FAM107B: variants seen among roughly 807,000 people sequenced by gnomAD.
FAM107B encodes the protein protein FAM107B.
Under a neutral mutation model 31.5 loss-of-function variants are expected in FAM107B, and 21 were observed. The ratio of observed to expected loss-of-function variants is 0.67; its 90% CI spans 0.47 to 0.96. FAM107B has a LOEUF of 0.96. Ranked by LOEUF, FAM107B falls within the 40% of genes least tolerant of loss-of-function variation. FAM107B has a pLI of 0.00. For synonymous variants in FAM107B, 157 were observed against 141.5 expected (o/e 1.11, Z -0.78); for missense variants, 452 against 377.1 (o/e 1.20, Z -1.64).
intron 1 of FAM107B, among the ~76,000 whole-genome samples, chr10:14,706,346 G>GC (rs1855519382): frequency 6.6e-6 from 1 of 151,690 alleles, no homozygotes; most frequent in Non-Finnish European, 1.5e-5. Flanking sequence ...TCTTGCCTCA[G>GC]CCCCCCAAGT....
intron 1 of FAM107B, among the ~76,000 whole-genome samples, chr10:14,720,839 TTTTAA>T (rs1855893906): frequency 6.6e-6 from 1 of 152,148 alleles, no homozygotes; most frequent in Non-Finnish European, 1.5e-5. Flanking sequence ...ACATATTTTT[TTTTAA>T]TTTATTTTTT....
chr10:14,583,223 A>G (rs1469757583), intron 2 of FAM107B, among the ~76,000 whole-genome samples: 1 of 152,194 alleles, frequency 6.6e-6, no homozygotes, highest in Non-Finnish European at 1.5e-5. Context: ...AAGAAACCAG[A>G]AGGAGGAAAA....
At chr10:14,767,097 G>GAGAGAGAGAGAGAGAGAC in intron 1 of FAM107B, among the ~76,000 whole-genome samples, 1 of 113,820 alleles carries the variant, frequency 8.8e-6, no homozygotes, top group South Asian at 2.9e-4. Context: ...GAGAGAGAGA[G>GAGAGAGAGAGAGAGAGAC]AGACAGAGAG....
intron 2 of FAM107B, among the ~76,000 whole-genome samples, chr10:14,646,112 T>A (rs1300308675): frequency 2.0e-5 from 3 of 152,218 alleles, no homozygotes; most frequent in African/African-American, 4.8e-5. Context: ...AATGCATGGC[T>A]TATCTTTCTT....
intron 2 of FAM107B, chr10:14,548,507 G>C: frequency 2.0e-6 from 2 of 985,496 alleles, no homozygotes. Flanking sequence ...AGTTGGCCCA[G>C]GGCTGCTTCA....
intron 2 of FAM107B, among the ~76,000 whole-genome samples, chr10:14,538,431 A>T (rs1847862231): frequency 6.6e-6 from 1 of 152,206 alleles, no homozygotes; most frequent in African/African-American, 2.4e-5. Context: ...AATCTCACAA[A>T]TACAACGTTA....
At chr10:14,598,470 A>C (rs1368209650) in intron 2 of FAM107B, among the ~76,000 whole-genome samples, 1 of 152,130 alleles carries the variant, frequency 6.6e-6, no homozygotes, top group Non-Finnish European at 1.5e-5. Context: ...ATACCATGTG[A>C]CTCCTCTTAG....
chr10:14,728,191 A>C (rs1275453911), intron 1 of FAM107B, among the ~76,000 whole-genome samples: 1 of 152,220 alleles, frequency 6.6e-6, no homozygotes, highest in Non-Finnish European at 1.5e-5. Context: ...TTGCATTTTT[A>C]ATATCAACTG....
At chr10:14,638,673 C>T (rs909270458) in intron 2 of FAM107B, among the ~76,000 whole-genome samples, 1 of 152,150 alleles carries the variant, frequency 6.6e-6, no homozygotes, top group Non-Finnish European at 1.5e-5. Context: ...TTCACTCATC[C>T]CTTATCCAGT....
chr10:14,689,329 G>A (rs891537324), intron 1 of FAM107B, among the ~76,000 whole-genome samples: 33 of 146,244 alleles, frequency 2.3e-4, no homozygotes, highest in African/African-American at 7.1e-4. Context: ...GCACAGAGCT[G>A]AGACCGCACC....
At chr10:14,558,587 T>G (rs1331134128) in intron 2 of FAM107B, among the ~76,000 whole-genome samples, 1 of 53,852 alleles carries the variant, frequency 1.9e-5, no homozygotes, top group Non-Finnish European at 5.5e-5. Context: ...TCACCTGATC[T>G]TGATTTTTTT....
chr10:14,523,345 C>A (rs959795714), intron 3 of FAM107B, among the ~76,000 whole-genome samples: 1 of 152,232 alleles, frequency 6.6e-6, no homozygotes, highest in Admixed American at 6.5e-5. Context: ...AACCACCGAA[C>A]AGGAAAAGCG....
At chr10:14,737,474 C>T (rs781118533) in intron 1 of FAM107B, among the ~76,000 whole-genome samples, 4 of 151,756 alleles carry the variant, frequency 2.6e-5, no homozygotes, top group Non-Finnish European at 4.4e-5. Flanking sequence ...ATGAGCCGGG[C>T]GTGGTGACAG....
rs568483007 is a variant in FAM107B at position 14,524,163 on chromosome 10, T to A, written c.654-2144A>T. 5.7e-4 allele frequency among the ~76,000 whole-genome samples: 87 copies of A among 151,594 alleles called. 2 individuals are homozygous for A. The South Asian group carries it at 0.018, about 31-fold the overall frequency. On this transcript the variant is annotated intron_variant, in intron 3 of 4. Coordinates refer to ENST00000181796, the MANE Select transcript of FAM107B (RefSeq NM_031453.4). ...TTCAAGCGATTCTCCTCCCTCAGCC[T>A]CCCGAGGAGCTGGGATTACAGGTGC...
chr10:14,730,959 C>G (rs1019780176), intron 1 of FAM107B, among the ~76,000 whole-genome samples: 3 of 152,048 alleles, frequency 2.0e-5, no homozygotes, highest in African/African-American at 7.2e-5. Context: ...GGCAGAAGAT[C>G]AAAGCCGACT....
chr10:14,682,163 TA>T (rs1854851356), intron 1 of FAM107B, among the ~76,000 whole-genome samples: 1 of 152,184 alleles, frequency 6.6e-6, no homozygotes, highest in African/African-American at 2.4e-5. Context: ...ATTTGTATAT[TA>T]AAACAAACCT....
chr10:14,659,539 T>C (rs1240096599), intron 2 of FAM107B, among the ~76,000 whole-genome samples: 1 of 152,208 alleles, frequency 6.6e-6, no homozygotes, highest in African/African-American at 2.4e-5. Flanking sequence ...GTTTCCCTTC[T>C]TTTTTTCTCA....
chr10:14,598,694 C>T (rs1411015775), intron 2 of FAM107B, among the ~76,000 whole-genome samples: 1 of 152,194 alleles, frequency 6.6e-6, no homozygotes, highest in African/African-American at 2.4e-5. Flanking sequence ...AGGTAGATCT[C>T]ATGTTAAGTG....
At chr10:14,556,659 A>C (rs1334527360) in intron 2 of FAM107B, among the ~76,000 whole-genome samples, 1 of 152,258 alleles carries the variant, frequency 6.6e-6, no homozygotes, top group East Asian at 1.9e-4. Flanking sequence ...CAGCAGGCAA[A>C]GATTTAGAAG....
Sources: allele counts gnomAD v4.1 joint callset (sites outside exome capture counted in the v4.1 genomes callset), GRCh38; gene constraint gnomAD v4.1.1; transcripts MANE v1.5; gene names NCBI Gene and HGNC (gene_info 2026-07-23, HGNC 2026-07-21).